PLEKHB1: variants seen among roughly 807,000 people sequenced by gnomAD.
PLEKHB1 encodes the protein pleckstrin homology domain containing B1.
Under a neutral mutation model 36.2 loss-of-function variants are expected in PLEKHB1, and 29 were observed. That is an observed-to-expected ratio of 0.80 (90% confidence interval 0.60 to 1.09). The LOEUF (loss-of-function observed/expected upper bound fraction) is 1.09. PLEKHB1 is among the 50% of genes least tolerant of loss of function. The pLI is 0.00. For synonymous variants in PLEKHB1, 138 were observed against 140.0 expected (o/e 0.99, Z 0.10); for missense variants, 330 against 348.2 (o/e 0.95, Z 0.42).
In PLEKHB1 at chr11:73,646,646, G is replaced by A. The variant is rs915000876; in HGVS notation, c.18+20G>A. On this transcript the variant is annotated intron_variant, in intron 1 of 7. Coordinates refer to ENST00000354190, the MANE Select transcript of PLEKHB1 (RefSeq NM_021200.3). ...GCCCCGGTAAGGAAGAGTTCTCTGG[G>A]ACAGGAGGAAGGGCCCAGGGCAGGG... 1.6e-5 allele frequency: 25 copies of A among 1,551,368 alleles called. No individual in the cohort carries two copies. The highest frequency in any genetic ancestry group is 1.7e-4 in the Middle Eastern group (1 of 6,014).
chr11:73,657,170 CTG>C (rs1010603547), intron 6 of PLEKHB1, among the ~76,000 whole-genome samples: 15 of 152,080 alleles, frequency 9.9e-5, no homozygotes, highest in African/African-American at 3.4e-4. Context: ...CCTGATGACT[CTG>C]ATGTGCAGAA....
At chr11:73,655,303 AC>A (rs1252725147) in intron 5 of PLEKHB1, among the ~76,000 whole-genome samples, 3 of 151,800 alleles carry the variant, frequency 2.0e-5, no homozygotes, top group Non-Finnish European at 4.4e-5. Flanking sequence ...TTGTGTGTTC[AC>A]CTCTGTTTAT....
intron 3 of PLEKHB1, chr11:73,651,490 G>A (rs35435292): frequency 1.2e-5 from 7 of 585,304 alleles, no homozygotes; most frequent in Non-Finnish European, 2.3e-5. Flanking sequence ...AAATTAGGAG[G>A]CCCAGAGAAG....
At chr11:73,656,077 T>C (rs11235841) in intron 6 of PLEKHB1, among the ~76,000 whole-genome samples, 170 bp downstream of exon 6, 18,943 of 152,142 alleles carry the variant, frequency 0.12, 1,284 homozygotes, top group Admixed American at 0.15. Flanking sequence ...ACACCAGACC[T>C]TTTCCCTCTG....
intron 3 of PLEKHB1, chr11:73,651,353 CAAAAAA>C (rs35147175): frequency 2.4e-4 from 86 of 360,316 alleles, no homozygotes; most frequent in South Asian, 1.4e-3. Flanking sequence ...GACCCTGTCT[CAAAAAA>C]AAAAAAAAAA....
chr11:73,648,131 A>G, intron 1 of PLEKHB1: 1 of 240,038 alleles, frequency 4.2e-6, no homozygotes, highest in Non-Finnish European at 6.7e-6. Context: ...TTAGCTGTAC[A>G]TTGGAATCAT....
chr11:73,660,713 C>T (rs1945088165), intron 6 of PLEKHB1, 40 bp from the exon 7 acceptor site: 1 of 1,550,358 alleles, frequency 6.5e-7, no homozygotes. Context: ...AAATCCGGGC[C>T]AGGGAGTTCC....
At chr11:73,653,530 T>A in intron 5 of PLEKHB1, 1 of 448,542 alleles carries the variant, frequency 2.2e-6, no homozygotes, top group Non-Finnish European at 4.5e-6. Context: ...ATGGAACAAC[T>A]AATTAATTAT....
At chr11:73,660,373 G>A in intron 6 of PLEKHB1, 1 of 194,328 alleles carries the variant, frequency 5.1e-6, no homozygotes, top group Non-Finnish European at 1.1e-5. Flanking sequence ...TCCTGGGCCT[G>A]GGGCTTGGCC....
At position 73,650,277 on chromosome 11, in the gene PLEKHB1, C is replaced by T. The variant is rs73536609; in HGVS notation, c.95-276C>T. On this transcript the variant is annotated intron_variant, in intron 2 of 7. Coordinates refer to ENST00000354190, the MANE Select transcript of PLEKHB1 (RefSeq NM_021200.3). ...GAGAGGTCTTTGCCCTTGAAGAGACCTGGGGCTTGGCCTTAGAAGCTTCCA... is the reference window on the plus strand; with the variant it reads ...GAGAGGTCTTTGCCCTTGAAGAGACTTGGGGCTTGGCCTTAGAAGCTTCCA... Among the ~76,000 whole-genome samples, 607 of 152,286 alleles carry T rather than the reference C, an allele frequency of 4.0e-3. 6 individuals are homozygous for T. Among genetic ancestry groups the T allele is most frequent in the African/African-American group, 0.014 (577 of 41,558 alleles).
intron 6 of PLEKHB1, among the ~76,000 whole-genome samples, chr11:73,656,545 A>G (rs1191744247): frequency 6.6e-6 from 1 of 152,142 alleles, no homozygotes; most frequent in Non-Finnish European, 1.5e-5. Flanking sequence ...CAATACTACT[A>G]CATAGTCTAA....
chr11:73,649,122 G>A, intron 2 of PLEKHB1, 35 bp downstream of exon 2: 2 of 1,566,600 alleles, frequency 1.3e-6, no homozygotes, highest in South Asian at 1.2e-5. Context: ...CTGGGGCAGG[G>A]TGAAGGAAGT....
chr11:73,653,028 T>A lies in PLEKHB1; in HGVS notation c.390+14T>A, dbSNP rs1944928091. The A allele has an allele frequency of 6.2e-7, 1 of 1,605,964 alleles. No individual in the cohort carries two copies. Among genetic ancestry groups the A allele is most frequent in the Non-Finnish European group, 8.5e-7 (1 of 1,174,486 alleles). On this transcript the variant is annotated intron_variant, in intron 5 of 7. Transcript: ENST00000354190. ...AACTCCACCCCGGTGAGTCTCCCGT[T>A]CTCTCCCCCTTTCCCCACCACCTCC...
At position 73,661,704 on chromosome 11, in the gene PLEKHB1, T is replaced by C. The variant is rs1945128339; in HGVS notation, c.*102T>C. ...TCCAAGCCCTGTCCCACTTTGGCCCTATCCTCTCCATTAGCTCCTTCCGGG... is the reference window on the plus strand; with the variant it reads ...TCCAAGCCCTGTCCCACTTTGGCCCCATCCTCTCCATTAGCTCCTTCCGGG... On this transcript the variant is annotated 3_prime_UTR_variant, in exon 8 of 8. Transcript: ENST00000354190. This position sits in a 1 kb window ranked among gnomAD's most constrained non-coding sequence, Gnocchi z 4.6. The C allele has an allele frequency of 7.1e-7, 1 of 1,411,344 alleles. No individual in the cohort carries two copies. The highest frequency in any genetic ancestry group is 9.5e-7 in the Non-Finnish European group (1 of 1,056,544). The allele number at this position is 1,411,344 out of a possible 1,614,324, so 87.4% of individuals were successfully genotyped here. A position where few individuals can be genotyped will look rare whatever the true frequency, so the allele number is the denominator to read the frequency against.
At chr11:73,648,940 G>GA in intron 1 of PLEKHB1, 72 bp from the exon 2 acceptor site, 1 of 1,533,240 alleles carries the variant, frequency 6.5e-7, no homozygotes. Flanking sequence ...GCTCCCCAGG[G>GA]ACGGCAGGGC....
intron 2 of PLEKHB1, among the ~76,000 whole-genome samples, chr11:73,649,809 C>T (rs1944851428): frequency 6.6e-6 from 1 of 152,214 alleles, no homozygotes; most frequent in African/African-American, 2.4e-5. Flanking sequence ...AACACTGAGC[C>T]AGGTCTCCCT....
Position 73,662,052 on chromosome 11 carries a change from C to G in PLEKHB1, c.*450C>G, listed in dbSNP as rs1945137562. The G allele has an allele frequency of 6.3e-6, 1 of 158,140 alleles. No homozygotes were observed. The highest frequency in any genetic ancestry group is 2.4e-5 in the African/African-American group (1 of 41,528). The allele number at this position is 158,140 out of a possible 1,614,324, so 9.8% of individuals were successfully genotyped here. Reference sequence around the variant, plus strand: ...AGAGTTATCAGTCCTTTGACAAGGACAGGTGGGGCAGGGAGCAAGACAGGT... The same window carrying G: ...AGAGTTATCAGTCCTTTGACAAGGAGAGGTGGGGCAGGGAGCAAGACAGGT... On this transcript the variant is annotated 3_prime_UTR_variant, in exon 8 of 8. Transcript: ENST00000354190.
chr11:73,660,624 T>C, intron 6 of PLEKHB1, 129 bp from the exon 7 acceptor site: 2 of 819,020 alleles, frequency 2.4e-6, no homozygotes, highest in Non-Finnish European at 3.9e-6. Flanking sequence ...TGCTAGTGGC[T>C]GGAGGCCCAT....
chr11:73,656,420 A>C (rs529354166), intron 6 of PLEKHB1, among the ~76,000 whole-genome samples: 1 of 152,220 alleles, frequency 6.6e-6, no homozygotes, highest in Non-Finnish European at 1.5e-5. Context: ...GCACATGCTC[A>C]ATTAGTGCTC....
Sources: gnomAD v4.1 joint callset for allele counts (sites outside exome capture counted in the v4.1 genomes callset) on GRCh38, gnomAD v4.1.1 for gene constraint, Gnocchi (gnomAD v3.1) non-coding constraint, MANE v1.5 for transcripts, NCBI Gene and HGNC (gene_info 2026-07-23, HGNC 2026-07-21) for gene names.